NCOA6: variants seen among roughly 807,000 people sequenced by gnomAD.
NCOA6 encodes the protein nuclear receptor coactivator 6.
A neutral mutation model predicts 171.4 loss-of-function variants in NCOA6; 49 were observed. That is an observed-to-expected ratio of 0.29 (90% CI 0.23 to 0.36). The LOEUF is 0.36. NCOA6 is among the 10% of genes least tolerant of loss of function. NCOA6 has a pLI of 1.00. For missense variants in NCOA6, 2,248 were observed against 2,554.5 expected (o/e 0.88, Z 2.59); for synonymous variants, 910 against 927.5 (o/e 0.98, Z 0.34).
chr20:34,773,785 A>G (rs916409089), intron 4 of NCOA6, among the ~76,000 whole-genome samples: 17 of 152,152 alleles, frequency 1.1e-4, no homozygotes, highest in African/African-American at 3.9e-4. Flanking sequence ...TGGCCTCCCA[A>G]AGTGTTGGGA....
At chr20:34,795,112 G>T (rs2078021014) in intron 1 of NCOA6, among the ~76,000 whole-genome samples, 1 of 152,126 alleles carries the variant, frequency 6.6e-6, no homozygotes, top group Non-Finnish European at 1.5e-5. Context: ...AGCAAAGAAA[G>T]AATTTCAAAA....
chr20:34,721,255 A>AAAAAACAAAAACAACAACAAC (rs1568702824), intron 14 of NCOA6, among the ~76,000 whole-genome samples: 1 of 148,508 alleles, frequency 6.7e-6, no homozygotes, highest in African/African-American at 2.5e-5. Context: ...AAAAAAAAAA[A>AAAAAACAAAAACAACAACAAC]AAAAAAAAAA....
intron 4 of NCOA6, among the ~76,000 whole-genome samples, chr20:34,775,492 C>A (rs1464275793): frequency 6.6e-6 from 1 of 151,794 alleles, no homozygotes; most frequent in African/African-American, 2.4e-5. Context: ...TGAGACCAGC[C>A]TGGCCAAGAC....
chr20:34,730,712 CTTTT>C (rs141101262), intron 13 of NCOA6, among the ~76,000 whole-genome samples: 1 of 129,036 alleles, frequency 7.7e-6, no homozygotes, highest in African/African-American at 2.9e-5. Flanking sequence ...ATGTTCTAGA[CTTTT>C]TTTTTTTTTT....
In NCOA6 at chr20:34,759,017, T is replaced by C. The variant is rs1489080923; in HGVS notation, c.515-84A>G. ...GAGTTATTTCAAGAATATGAAAAGA[T>C]ATGGAAAATTTGTTTTTTTTTTTTT... On this transcript the variant is annotated intron_variant, in intron 5 of 14. Transcript: ENST00000359003. 24 of 1,460,858 alleles carry C rather than the reference T, an allele frequency of 1.6e-5. No homozygotes were observed. In the South Asian group the frequency reaches 2.6e-4, roughly 16 times the overall value. The allele number at this position is 1,460,858 out of a possible 1,614,324, so 90.5% of individuals were successfully genotyped here.
At position 34,757,224 on chromosome 20, in the gene NCOA6, T is replaced by C; in HGVS notation, c.1524A>G (p.Leu508=). The C allele has an allele frequency of 6.3e-7, 1 of 1,579,552 alleles. No homozygotes were observed. Among genetic ancestry groups the C allele is most frequent in the Non-Finnish European group, 8.6e-7 (1 of 1,163,320 alleles). ...AATAGCTACAGTGTTCCTCACCTCC[T>C]AGGCCTGGATGTAAACTCTGTGGCC... ...NQGPQSLHPG[L]GGMPKRLPPG... The change falls in exon 7 of 15, where the codon CTA becomes CTG. Residue 508 remains leucine (L), a synonymous_variant. Transcript: ENST00000359003.
At chr20:34,777,660 T>A (rs930346327) in intron 3 of NCOA6, among the ~76,000 whole-genome samples, 3 of 149,948 alleles carry the variant, frequency 2.0e-5, no homozygotes, top group African/African-American at 7.3e-5. Flanking sequence ...TCAGTGGGAA[T>A]GTAAAAGGAT....
chr20:34,716,463 C>T (rs1037783968), intron 14 of NCOA6, among the ~76,000 whole-genome samples: 2 of 152,146 alleles, frequency 1.3e-5, no homozygotes, highest in Non-Finnish European at 2.9e-5. Flanking sequence ...TTCTTAAAAA[C>T]GTTTTGGCCA....
intron 13 of NCOA6, among the ~76,000 whole-genome samples, chr20:34,728,497 C>T (rs576085429): frequency 2.0e-5 from 3 of 152,188 alleles, no homozygotes; most frequent in East Asian, 1.9e-4. Context: ...GGGGTGCTAC[C>T]GGAATCTTTT....
At chr20:34,776,810 T>C (rs2077338380) in intron 3 of NCOA6, 3 of 462,536 alleles carry the variant, frequency 6.5e-6, no homozygotes, top group African/African-American at 4.0e-5. Context: ...GAAAGGACCA[T>C]AAGAAAGAAG....
chr20:34,815,336 C>T (rs2078800519), intron 1 of NCOA6, among the ~76,000 whole-genome samples: 1 of 151,902 alleles, frequency 6.6e-6, no homozygotes. Context: ...ATGATCACAC[C>T]ACTGCACTCC....
At chr20:34,809,430 T>C (rs1055952321) in intron 1 of NCOA6, 3 of 398,434 alleles carry the variant, frequency 7.5e-6, no homozygotes, top group African/African-American at 2.1e-5. Flanking sequence ...TTGAATTTCA[T>C]GTATTCTACA....
chr20:34,762,902 C>T (rs1422243285), intron 5 of NCOA6, among the ~76,000 whole-genome samples: 2 of 152,172 alleles, frequency 1.3e-5, no homozygotes, highest in African/African-American at 2.4e-5. Context: ...AAATTCTAGG[C>T]TGTCAATTAT....
intron 1 of NCOA6, among the ~76,000 whole-genome samples, chr20:34,807,997 A>G (rs1488474252): frequency 6.6e-6 from 1 of 151,658 alleles, no homozygotes; most frequent in African/African-American, 2.4e-5. Flanking sequence ...TAAAAACACA[A>G]AAATTAGCTG....
intron 5 of NCOA6, among the ~76,000 whole-genome samples, chr20:34,762,522 A>AT (rs1308123255): frequency 6.6e-6 from 1 of 151,092 alleles, no homozygotes; most frequent in East Asian, 1.9e-4. Context: ...TACTGGATTA[A>AT]TTTTTTTTCA....
chr20:34,763,431 C>T (rs1346581390), intron 5 of NCOA6, among the ~76,000 whole-genome samples: 1 of 152,126 alleles, frequency 6.6e-6, no homozygotes, highest in East Asian at 1.9e-4. Context: ...CCCATCTCTC[C>T]TTATGTTTGA....
chr20:34,753,417 T>A (rs2076550501), intron 8 of NCOA6, among the ~76,000 whole-genome samples: 1 of 151,662 alleles, frequency 6.6e-6, no homozygotes, highest in African/African-American at 2.4e-5. Context: ...ATCCCAGCAC[T>A]TTGGGAGGCC....
chr20:34,744,403 C>T (rs2076242177), intron 10 of NCOA6, among the ~76,000 whole-genome samples: 1 of 152,168 alleles, frequency 6.6e-6, no homozygotes, highest in Non-Finnish European at 1.5e-5. Flanking sequence ...AGTGGGCATA[C>T]AGCTGGGCAT....
Position 34,749,581 on chromosome 20 carries a change from G to A in NCOA6, c.2614C>T (p.Pro872Ser), listed in dbSNP as rs2076406318. The stretch of plus-strand genomic sequence containing the variant: ...ACATCCTTATTGACTGGGAAGCCTG[G>A]ATTTTGACCACAGGACATCTGATTT... ...NGNQMSCGQN[P>S]GFPVNKDVTL... is the part of the protein sequence containing the mutation. The change falls in exon 9 of 15, where the codon CCA becomes TCA. Residue 872 changes from proline (P) to serine (S), a missense_variant. Physicochemically the swap from Pro to Ser is moderately conservative, Grantham distance 74. Transcript: ENST00000359003. 1.2e-6 allele frequency: 2 copies of A among 1,614,078 alleles called. No individual in the cohort carries two copies. The highest frequency in any genetic ancestry group is 1.7e-6 in the Non-Finnish European group (2 of 1,180,052).
Sources: allele counts gnomAD v4.1 joint callset (sites outside exome capture counted in the v4.1 genomes callset), GRCh38; gene constraint gnomAD v4.1.1; transcripts MANE v1.5; gene names NCBI Gene and HGNC (gene_info 2026-07-23, HGNC 2026-07-21).